PRIM2: variants seen among roughly 807,000 people sequenced by gnomAD.
PRIM2 encodes the protein DNA primase large subunit.
PRIM2 carries 39 observed loss-of-function variants against 67.3 expected under a neutral mutation model. The ratio of observed to expected loss-of-function variants is 0.58; its 90% CI spans 0.45 to 0.76. The LOEUF (loss-of-function observed/expected upper bound fraction) is 0.76. Among genes scored for constraint, PRIM2 ranks in the 30% least tolerant of loss-of-function variants. The pLI is 0.00. For missense variants in PRIM2, 398 were observed against 598.7 expected, an observed-to-expected ratio of 0.66 and a Z score of 3.50; for synonymous variants, 143 against 198.7, an observed-to-expected ratio of 0.72 and a Z score of 2.36.
At chr6:57,603,060 A>C (rs1161149287) in intron 11 of PRIM2, among the ~76,000 whole-genome samples, 1 of 152,168 alleles carries the variant, frequency 6.6e-6, no homozygotes, top group Non-Finnish European at 1.5e-5. Flanking sequence ...TGTATTTTGC[A>C]TAACAGTACT....
intron 5 of PRIM2, among the ~76,000 whole-genome samples, chr6:57,340,621 C>A (rs540661265): frequency 1.3e-5 from 2 of 152,202 alleles, no homozygotes; most frequent in Admixed American, 6.5e-5. Context: ...AAACCAAACA[C>A]CACATATTCT....
chr6:57,284,275 C>T, the PRIM2 span, among the ~76,000 whole-genome samples: 1 of 152,096 alleles, frequency 6.6e-6, no homozygotes. Context: ...TAAGACAAAC[C>T]AGCTGCACTT....
At chr6:57,340,582 C>T (rs1366486231) in intron 5 of PRIM2, among the ~76,000 whole-genome samples, 1 of 152,088 alleles carries the variant, frequency 6.6e-6, no homozygotes, top group African/African-American at 2.4e-5. Flanking sequence ...TGGAAATCAT[C>T]ATTCTCAGTA....
At chr6:57,310,743 G>A (rs971555368), upstream of PRIM2, among the ~76,000 whole-genome samples, 8 of 149,380 alleles carry the variant, frequency 5.4e-5, no homozygotes, top group African/African-American at 1.7e-4. Flanking sequence ...CTTCCCAGAC[G>A]GGGTGGCCAG....
At chr6:57,248,371 T>A in the PRIM2 span, among the ~76,000 whole-genome samples, 1 of 152,232 alleles carries the variant, frequency 6.6e-6, no homozygotes, top group African/African-American at 2.4e-5. Context: ...TCCTTTAACT[T>A]TCATTTAATA....
intron 7 of PRIM2, among the ~76,000 whole-genome samples, chr6:57,419,412 A>G (rs1299836651): frequency 6.6e-6 from 1 of 152,180 alleles, no homozygotes; most frequent in Non-Finnish European, 1.5e-5. Flanking sequence ...TGTTATTTCC[A>G]ATTTATAAAG....
the PRIM2 span, among the ~76,000 whole-genome samples, chr6:57,292,977 A>T: frequency 6.6e-6 from 1 of 152,238 alleles, no homozygotes; most frequent in East Asian, 1.9e-4. Context: ...ACAAAAGCCA[A>T]AATTGACAAA....
chr6:57,624,945 A>G (rs1776922066), intron 12 of PRIM2, among the ~76,000 whole-genome samples: 2 of 152,202 alleles, frequency 1.3e-5, no homozygotes, highest in African/African-American at 4.8e-5. Context: ...AGCAGCAGAC[A>G]AGAGAGACAA....
intron 10 of PRIM2, among the ~76,000 whole-genome samples, chr6:57,557,713 G>A (rs1449896876): frequency 6.6e-6 from 1 of 151,640 alleles, no homozygotes; most frequent in Non-Finnish European, 1.5e-5. Context: ...ACACCAAACT[G>A]CTATGATGTG....
At chr6:57,451,783 T>C (rs1772560001) in intron 7 of PRIM2, among the ~76,000 whole-genome samples, 1 of 151,824 alleles carries the variant, frequency 6.6e-6, no homozygotes, top group Non-Finnish European at 1.5e-5. Flanking sequence ...TCCTTTCTTT[T>C]TTTTTTTTTT....
intron 7 of PRIM2, among the ~76,000 whole-genome samples, chr6:57,446,867 T>C (rs1220205529): frequency 1.3e-5 from 2 of 152,054 alleles, no homozygotes; most frequent in Admixed American, 6.5e-5. Context: ...TACTGTTCCA[T>C]GATGGAAGGG....
At chr6:57,439,638 C>T (rs1290666655) in intron 7 of PRIM2, among the ~76,000 whole-genome samples, 1 of 151,952 alleles carries the variant, frequency 6.6e-6, no homozygotes. Flanking sequence ...TGGTCTCAAA[C>T]TCCTGACCTC....
intron 7 of PRIM2, among the ~76,000 whole-genome samples, chr6:57,398,797 T>C (rs1770608434): frequency 6.6e-6 from 1 of 152,168 alleles, no homozygotes; most frequent in African/African-American, 2.4e-5. Flanking sequence ...TTTGTAGGTC[T>C]CTAAGAACTT....
intron 13 of PRIM2, among the ~76,000 whole-genome samples, chr6:57,645,158 A>G (rs1777312160): frequency 6.6e-6 from 1 of 152,178 alleles, no homozygotes; most frequent in African/African-American, 2.4e-5. Context: ...CACAAGTGGT[A>G]TCAGGGACCA....
At chr6:57,355,834 G>A (rs1241254147) in intron 5 of PRIM2, among the ~76,000 whole-genome samples, 2 of 151,850 alleles carry the variant, frequency 1.3e-5, no homozygotes, top group African/African-American at 2.4e-5. Context: ...GTAGAGATGG[G>A]TTTTGCCATG....
intron 10 of PRIM2, among the ~76,000 whole-genome samples, chr6:57,567,687 TC>T (rs1313849820): frequency 1.3e-5 from 2 of 152,106 alleles, no homozygotes; most frequent in African/African-American, 4.8e-5. Flanking sequence ...CTTTGCCTTT[TC>T]CCCCCGTTTT....
chr6:57,448,493 T>TA (rs1025042645), intron 7 of PRIM2, among the ~76,000 whole-genome samples: 1 of 152,126 alleles, frequency 6.6e-6, no homozygotes, highest in Admixed American at 6.6e-5. Context: ...CAAGAGGTCC[T>TA]AAGAAAGTGC....
chr6:57,646,006 G>A lies in PRIM2; in HGVS notation c.1378G>A (p.Asp460Asn). Reference protein sequence around the residue: ...ESQRILNGGKDIKKEPIQPET... With the variant: ...ESQRILNGGKNIKKEPIQPET... ...CCAACGTATTCTAAATGGTGGTAAA[G>A]ACATAAAGAAGGAACCTATCCAACC... The change falls in exon 14 of 14, where the codon GAC becomes AAC. Residue 460 changes from aspartate to asparagine, a missense_variant. This residue lies in a region of PRIM2 where 72 missense variants were observed against 89.4 expected (regional missense o/e 0.81). Transcript: ENST00000615550. 1 of 1,606,856 alleles carries A rather than the reference G, an allele frequency of 6.2e-7. No homozygotes were observed. The highest frequency in any genetic ancestry group is 8.5e-7 in the Non-Finnish European group (1 of 1,173,510).
At chr6:57,582,025 A>G (rs1473779548) in intron 10 of PRIM2, among the ~76,000 whole-genome samples, 1,646 of 152,240 alleles carry the variant, frequency 0.011, 12 homozygotes, top group Non-Finnish European at 0.018. Context: ...TTGTTTCACT[A>G]TGTTGCCCAG....
Sources: allele counts gnomAD v4.1 joint callset (sites outside exome capture counted in the v4.1 genomes callset), GRCh38; gene constraint gnomAD v4.1.1; regional missense constraint gnomAD v4.1.1; transcripts MANE v1.5; gene names NCBI Gene and HGNC (gene_info 2026-07-23, HGNC 2026-07-21).